Variants in GARNL3 observed in about 807,000 individuals in gnomAD.
The protein encoded by GARNL3 is GTPase-activating Rap/Ran-GAP domain-like protein 3.
Under a neutral mutation model 125.0 loss-of-function variants are expected in GARNL3, and 63 were observed. That is an observed-to-expected ratio of 0.50 (90% CI 0.41 to 0.62). GARNL3 has a LOEUF of 0.62. Ranked by LOEUF, GARNL3 falls within the 20% of genes least tolerant of loss-of-function variation. GARNL3 has a pLI of 0.00. For missense variants in GARNL3, 994 were observed against 1,244.0 expected (o/e 0.80, Z 3.02); for synonymous variants, 439 against 457.5 (o/e 0.96, Z 0.52).
At chr9:127,358,905 C>T (rs1416202205) in intron 21 of GARNL3, among the ~76,000 whole-genome samples, 1 of 152,072 alleles carries the variant, frequency 6.6e-6, no homozygotes, top group African/African-American at 2.4e-5. Flanking sequence ...GGCTGTCATC[C>T]CTTGGAGAGC....
intron 9 of GARNL3, among the ~76,000 whole-genome samples, chr9:127,333,974 C>T (rs6478769): frequency 0.54 from 81,578 of 151,380 alleles, 22,496 homozygotes; most frequent in East Asian, 0.67. Context: ...AAACAAGAGA[C>T]AGGGTTGCCT....
chr9:127,229,050 C>G (rs1050966873), intron 1 of GARNL3, among the ~76,000 whole-genome samples: 1 of 152,190 alleles, frequency 6.6e-6, no homozygotes, highest in African/African-American at 2.4e-5. Flanking sequence ...TCTCAAACTC[C>G]TGACCTCAAG....
At position 127,252,978 on chromosome 9, in the gene GARNL3, T is replaced by C. The variant is rs1212796674; in HGVS notation, c.143+9729T>C. On this transcript the variant is annotated intron_variant, in intron 2 of 10. Coordinates refer to the GARNL3 transcript ENST00000439286. ...TATGATTGCTCCCATAGTATTTTCT[T>C]TGTTCACTTATATTAGTGGCATTGT... 3.9e-5 allele frequency among the ~76,000 whole-genome samples: 6 copies of C among 152,248 alleles called. No homozygotes were observed. In the East Asian group the frequency reaches 1.2e-3, roughly 29 times the overall value.
chr9:127,386,050 A>G (rs1363688053), intron 24 of GARNL3, among the ~76,000 whole-genome samples: 1 of 152,258 alleles, frequency 6.6e-6, no homozygotes, highest in African/African-American at 2.4e-5. Flanking sequence ...AATGCTGTTT[A>G]TCATAAAAAT....
upstream of GARNL3, chr9:127,264,520 T>C: frequency 9.9e-7 from 1 of 1,005,194 alleles, no homozygotes; most frequent in Non-Finnish European, 1.2e-6. Flanking sequence ...GTTATTTTTA[T>C]GTTGCATATT....
intron 6 of GARNL3, among the ~76,000 whole-genome samples, chr9:127,323,404 A>G (rs2065462268): frequency 6.6e-6 from 1 of 152,218 alleles, no homozygotes; most frequent in Admixed American, 6.5e-5. Context: ...AGCCTATGAC[A>G]TCCCTCCTGC....
chr9:127,343,191 G>A lies in GARNL3; in HGVS notation c.1251+857G>A, dbSNP rs150624729. ...TGGGATTACTGTCATGAGTCACTGC[G>A]CCCGGCCGACCAGCACCATTTTATA... is the stretch of plus-strand genomic sequence containing the variant. On this transcript the variant is annotated intron_variant, in intron 14 of 27. Transcript: ENST00000373387. Among the ~76,000 whole-genome samples, 53 of 152,086 alleles carry A rather than the reference G, an allele frequency of 3.5e-4. 1 individual carries two copies. Among genetic ancestry groups the A allele is most frequent in the Non-Finnish European group, 6.8e-4 (46 of 67,982 alleles).
chr9:127,368,611 G>A (rs1054450166), intron 22 of GARNL3, among the ~76,000 whole-genome samples: 5 of 150,676 alleles, frequency 3.3e-5, no homozygotes, highest in South Asian at 2.1e-4. Context: ...GATTACAGGC[G>A]TGAACCACTG....
chr9:127,385,150 G>A lies in GARNL3; in HGVS notation c.2388+5G>A. On this transcript the variant is annotated splice_donor_5th_base_variant and intron_variant, in intron 24 of 27. Coordinates refer to ENST00000373387, the MANE Select transcript of GARNL3 (RefSeq NM_032293.5). The surrounding 1 kb of genome is among the most constrained non-coding windows in gnomAD (Gnocchi z 4.1). Reference sequence around the variant, plus strand: ...CTGCAGCTGGTGGCCTCCAGGGTGAGTAGGACTGGGATTTTATCTCTGAGT... The same window carrying A: ...CTGCAGCTGGTGGCCTCCAGGGTGAATAGGACTGGGATTTTATCTCTGAGT... The A allele has an allele frequency of 6.3e-7, 1 of 1,577,918 alleles. No individual in the cohort carries two copies. Among genetic ancestry groups the A allele is most frequent in the Admixed American group, 1.7e-5 (1 of 57,292 alleles).
At chr9:127,281,081 C>G (rs1342305414) in intron 1 of GARNL3, among the ~76,000 whole-genome samples, 1 of 151,894 alleles carries the variant, frequency 6.6e-6, no homozygotes, top group African/African-American at 2.4e-5. Flanking sequence ...CTTGGTGGCA[C>G]GAGGAGGAGT....
intron 2 of GARNL3, among the ~76,000 whole-genome samples, chr9:127,248,686 C>T (rs1196200652): frequency 7.3e-6 from 1 of 136,188 alleles, no homozygotes; most frequent in Non-Finnish European, 1.5e-5. Flanking sequence ...CGGTTCACTG[C>T]AGCCTCCATT....
intron 11 of GARNL3, among the ~76,000 whole-genome samples, chr9:127,337,725 C>G (rs1347167666): frequency 6.6e-6 from 1 of 152,158 alleles, no homozygotes; most frequent in Non-Finnish European, 1.5e-5. Context: ...AATTGCTTTC[C>G]CTTTCCAAAT....
At chr9:127,346,982 ACTGT>A (rs1465747029) in intron 16 of GARNL3, among the ~76,000 whole-genome samples, 1 of 152,140 alleles carries the variant, frequency 6.6e-6, no homozygotes, top group Non-Finnish European at 1.5e-5. Context: ...AATGGCAAAC[ACTGT>A]CTGTCGTCAG....
intron 5 of GARNL3, among the ~76,000 whole-genome samples, chr9:127,319,313 T>G (rs1188230269): frequency 6.6e-6 from 1 of 151,908 alleles, no homozygotes; most frequent in Non-Finnish European, 1.5e-5. Context: ...TGAAACCCCG[T>G]CTCTACTAAA....
chr9:127,339,607 C>G (rs367916129), intron 12 of GARNL3, 38 bp from the exon 13 acceptor site: 83 of 1,433,716 alleles, frequency 5.8e-5, no homozygotes, highest in Middle Eastern at 1.7e-4. Flanking sequence ...CAAACCATAT[C>G]AAGTGCTAAT....
intron 2 of GARNL3, among the ~76,000 whole-genome samples, chr9:127,250,248 G>C (rs2063376997): frequency 6.6e-6 from 1 of 152,196 alleles, no homozygotes; most frequent in African/African-American, 2.4e-5. Flanking sequence ...GCAGAAGATG[G>C]GGAGACTTTT....
At position 127,339,681 on chromosome 9, in the gene GARNL3, T is replaced by C. The variant is rs1258228697; in HGVS notation, c.1065T>C (p.Phe355=). 1 of 1,613,824 alleles carries C rather than the reference T, an allele frequency of 6.2e-7. No individual in the cohort carries two copies. ...TTTCAGAAGAGAGCGTACCACTCTT[T>C]GGCCCTCCCTTGCCAACTCCACCAG... is the stretch of plus-strand genomic sequence containing the variant. ...KIFSEESVPL[F]GPPLPTPPVF... Residue 355 remains phenylalanine (F), a synonymous_variant, in exon 13 of 28, where the codon TTT becomes TTC. Transcript: ENST00000373387.
intron 1 of GARNL3, chr9:127,224,616 A>T (rs1423711148): frequency 6.5e-6 from 1 of 153,274 alleles, no homozygotes; most frequent in East Asian, 1.9e-4. Flanking sequence ...GAGCTACAAT[A>T]GAAAGGGCCA....
intron 9 of GARNL3, among the ~76,000 whole-genome samples, chr9:127,333,368 T>C (rs183071026): frequency 6.6e-5 from 10 of 152,310 alleles, no homozygotes; most frequent in Non-Finnish European, 1.5e-4. Context: ...CCCATGAATA[T>C]TACTGCTCAG....
Sources: allele counts gnomAD v4.1 joint callset (sites outside exome capture counted in the v4.1 genomes callset), GRCh38; gene constraint gnomAD v4.1.1; non-coding constraint Gnocchi (gnomAD v3.1); transcripts MANE v1.5; gene names NCBI Gene and HGNC (gene_info 2026-07-23, HGNC 2026-07-21).